ANO2: variants seen among roughly 807,000 people sequenced by gnomAD.
ANO2 encodes the protein anoctamin-2.
In ANO2, 101 loss-of-function variants were observed where a neutral mutation model predicts 124.2. The ratio of observed to expected loss-of-function variants is 0.81; its 90% CI spans 0.69 to 0.96. ANO2 has a LOEUF of 0.96. Among genes scored for constraint, ANO2 ranks in the 40% least tolerant of loss-of-function variants. The pLI is 0.00. For synonymous variants in ANO2, 486 were observed against 482.5 expected, an observed-to-expected ratio of 1.01 and a Z score of -0.09; for missense variants, 1,293 against 1,274.5, an observed-to-expected ratio of 1.01 and a Z score of -0.22.
At chr12:5,944,723 G>A (rs983746618) in intron 1 of ANO2, among the ~76,000 whole-genome samples, 2 of 152,118 alleles carry the variant, frequency 1.3e-5, no homozygotes, top group African/African-American at 4.8e-5. Context: ...AAAAACTTCT[G>A]AAACTGAGAG....
At chr12:5,933,436 A>G (rs562572083) in intron 1 of ANO2, among the ~76,000 whole-genome samples, 1 of 152,342 alleles carries the variant, frequency 6.6e-6, no homozygotes, top group South Asian at 2.1e-4. Context: ...AGATTACATT[A>G]GAAAGATGGC....
rs1476834740 is a variant in ANO2, at chr12:5,945,248, C to T, written c.-31G>A. ...GGACGCAGACCCCGCCGGCCCGCGGCCGCGCGCTTCTGGGCAGGCTTATGC... is the reference window on the plus strand; with the variant it reads ...GGACGCAGACCCCGCCGGCCCGCGGTCGCGCGCTTCTGGGCAGGCTTATGC... On this transcript the variant is annotated 5_prime_UTR_variant, in exon 1 of 25. Coordinates refer to ENST00000682330, the MANE Select transcript of ANO2 (RefSeq NM_001364791.2). 1.2e-5 allele frequency: 15 copies of T among 1,284,806 alleles called. No individual in the cohort carries two copies. The highest frequency in any genetic ancestry group is 1.4e-5 in the Non-Finnish European group (14 of 986,200). The allele number at this position is 1,284,806 out of a possible 1,614,324, so 79.6% of individuals were successfully genotyped here. A position where few individuals can be genotyped will look rare whatever the true frequency, so the allele number is the denominator to read the frequency against.
chr12:5,854,935 C>CT (rs10650160), intron 3 of ANO2, among the ~76,000 whole-genome samples: 111,777 of 146,240 alleles, frequency 0.76, 44,149 homozygotes, highest in Non-Finnish European at 0.87. Context: ...TAAACATTCA[C>CT]TTTTTTTTTT....
At chr12:5,845,913 A>G (rs1476848596) in intron 4 of ANO2, among the ~76,000 whole-genome samples, 1 of 152,256 alleles carries the variant, frequency 6.6e-6, no homozygotes, top group Non-Finnish European at 1.5e-5. Context: ...GGTCTAGCAC[A>G]TGGGATGCAG....
At chr12:5,714,601 A>G (rs1037683179) in intron 14 of ANO2, among the ~76,000 whole-genome samples, 2 of 152,232 alleles carry the variant, frequency 1.3e-5, no homozygotes, top group African/African-American at 4.8e-5. Context: ...TTGTTGTAAT[A>G]GTAGTTATTG....
At chr12:5,772,394 T>G (rs1203016549) in intron 10 of ANO2, among the ~76,000 whole-genome samples, 1 of 152,256 alleles carries the variant, frequency 6.6e-6, no homozygotes, top group Non-Finnish European at 1.5e-5. Context: ...CTTGCCGTAG[T>G]CGCCTAAATC....
chr12:5,578,583 GCAGCTA>G, intron 20 of ANO2, 65 bp from the exon 21 acceptor site: 6 of 1,519,452 alleles, frequency 3.9e-6, no homozygotes, highest in Non-Finnish European at 5.3e-6. Flanking sequence ...CTTCTGGCTT[GCAGCTA>G]CAGCCCCTTG....
chr12:5,737,884 C>T (rs1320994877), intron 13 of ANO2, among the ~76,000 whole-genome samples: 1 of 152,204 alleles, frequency 6.6e-6, no homozygotes, highest in African/African-American at 2.4e-5. Context: ...TGAATCCTCT[C>T]TGAAGGCAGA....
chr12:5,813,440 C>A (rs528582037), intron 7 of ANO2, among the ~76,000 whole-genome samples: 3 of 152,332 alleles, frequency 2.0e-5, no homozygotes, highest in African/African-American at 4.8e-5. Context: ...CTTGCCCCTG[C>A]AGATTCTGAT....
chr12:5,933,908 C>T (rs1942540200), intron 1 of ANO2, among the ~76,000 whole-genome samples: 1 of 152,146 alleles, frequency 6.6e-6, no homozygotes, highest in Non-Finnish European at 1.5e-5. Flanking sequence ...TCAGATTTGC[C>T]TTTTTTATCT....
chr12:5,834,477 C>A (rs1032316803), intron 4 of ANO2, among the ~76,000 whole-genome samples: 1 of 152,166 alleles, frequency 6.6e-6, no homozygotes, highest in Non-Finnish European at 1.5e-5. Context: ...GCAGCACATT[C>A]AGTTGAGGAA....
At chr12:5,633,379 C>A (rs1052178511) in intron 16 of ANO2, among the ~76,000 whole-genome samples, 1 of 152,154 alleles carries the variant, frequency 6.6e-6, no homozygotes, top group Non-Finnish European at 1.5e-5. Flanking sequence ...CCCATGTAGC[C>A]GCTCTCAGTT....
intron 10 of ANO2, among the ~76,000 whole-genome samples, chr12:5,784,839 T>A (rs1952496480): frequency 6.6e-6 from 1 of 152,180 alleles, no homozygotes; most frequent in Non-Finnish European, 1.5e-5. Flanking sequence ...TGGAAAAACA[T>A]CAACTGGAAA....
At chr12:5,584,342 G>T (rs1047268266) in intron 20 of ANO2, among the ~76,000 whole-genome samples, 4 of 152,296 alleles carry the variant, frequency 2.6e-5, no homozygotes, top group African/African-American at 9.6e-5. Flanking sequence ...GCAAGAGCTT[G>T]TGAGAAACTC....
intron 3 of ANO2, among the ~76,000 whole-genome samples, chr12:5,864,012 G>A (rs1367591056): frequency 6.6e-6 from 1 of 152,162 alleles, no homozygotes; most frequent in African/African-American, 2.4e-5. Flanking sequence ...AAGAGCAAGT[G>A]CAGGGATAGG....
chr12:5,572,758 T>C (rs1422883436), intron 23 of ANO2, among the ~76,000 whole-genome samples: 1 of 152,216 alleles, frequency 6.6e-6, no homozygotes, highest in Non-Finnish European at 1.5e-5. Context: ...CTTGGGATGA[T>C]TTATTTTCTG....
intron 14 of ANO2, among the ~76,000 whole-genome samples, chr12:5,726,764 C>T (rs1394520597): frequency 6.6e-6 from 1 of 152,168 alleles, no homozygotes; most frequent in Non-Finnish European, 1.5e-5. Flanking sequence ...GGTATAAGAG[C>T]TAAGTTACTA....
intron 16 of ANO2, among the ~76,000 whole-genome samples, chr12:5,624,250 G>A (rs1296481242): frequency 6.6e-6 from 1 of 150,582 alleles, no homozygotes; most frequent in Non-Finnish European, 1.5e-5. Flanking sequence ...TGGAGAGAGA[G>A]AGAGAGAGAG....
At chr12:5,576,036 C>A (rs781612540) in intron 22 of ANO2, 21 bp from the exon 23 acceptor site, 2 of 1,582,000 alleles carry the variant, frequency 1.3e-6, no homozygotes, top group Non-Finnish European at 1.7e-6. Flanking sequence ...GAACCATAAG[C>A]ACTGAGTAGC....
Sources: gnomAD v4.1 joint callset for allele counts (sites outside exome capture counted in the v4.1 genomes callset) on GRCh38, gnomAD v4.1.1 for gene constraint, MANE v1.5 for transcripts, NCBI Gene and HGNC (gene_info 2026-07-23, HGNC 2026-07-21) for gene names.